Variants in KL observed in about 807,000 individuals in gnomAD.
KL encodes the protein alpha-klotho.
Under a neutral mutation model 84.2 loss-of-function variants are expected in KL, and 62 were observed. That is an observed-to-expected ratio of 0.74 (90% CI 0.60 to 0.91). The LOEUF (loss-of-function observed/expected upper bound fraction) is 0.91. Ranked by LOEUF, KL falls within the 40% of genes least tolerant of loss-of-function variation. The pLI is 0.00. For synonymous variants in KL, 528 were observed against 528.0 expected (o/e 1.00, Z 0.00); for missense variants, 1,261 against 1,305.7 (o/e 0.97, Z 0.53).
rs138856561 is a variant in KL, at chr13:33,051,951, ATTTG to A, written c.820-1804_820-1801del. Among the ~76,000 whole-genome samples, 813 of 152,020 alleles carry A rather than the reference ATTTG, an allele frequency of 5.3e-3. 7 individuals are homozygous for A. The highest frequency in any genetic ancestry group is 0.018 in the African/African-American group (760 of 41,468). Reference sequence around the variant, plus strand: ...GATTTTATGTTTAACTGTTGTGTTTATTTGTTTGTTTGTTTTTGTTTTGTGAGAC... The same window carrying A: ...GATTTTATGTTTAACTGTTGTGTTTATTTGTTTGTTTTTGTTTTGTGAGAC... On this transcript the variant is annotated intron_variant, in intron 1 of 4. Transcript: ENST00000380099.
chr13:33,064,084 A>G lies in KL; in HGVS notation c.2937A>G (p.Arg979=). 6.2e-7 allele frequency: 1 copy of G among 1,614,116 alleles called. No individual in the cohort carries two copies. Among genetic ancestry groups the G allele is most frequent in the Non-Finnish European group, 8.5e-7 (1 of 1,179,980 alleles). ...VCTECSFFHT[R]KSLLAFIAFL... is the part of the protein sequence containing the mutation. ...CTGAGTGCAGTTTTTTTCACACCCG[A>G]AAGTCTTTACTGGCTTTCATAGCTT... Residue 979 remains arginine, a synonymous_variant, in exon 5 of 5, where the codon CGA becomes CGG. Transcript: ENST00000380099.
chr13:33,040,233 G>C (rs1207980640), intron 1 of KL, among the ~76,000 whole-genome samples: 1 of 152,204 alleles, frequency 6.6e-6, no homozygotes, highest in Non-Finnish European at 1.5e-5. Flanking sequence ...AAACCATAGT[G>C]CTGATAGAAA....
chr13:33,017,100 G>C lies in KL; in HGVS notation c.660G>C (p.Ala220=). The C allele has an allele frequency of 1.2e-6, 2 of 1,605,496 alleles. No individual in the cohort carries two copies. The highest frequency in any genetic ancestry group is 1.7e-6 in the Non-Finnish European group (2 of 1,179,768). The part of the protein sequence containing the change: ...RALADHFRDY[A]ELCFRHFGGQ... ...TGGCCGACCACTTCAGGGATTACGC[G>C]GAGCTCTGCTTCCGCCACTTCGGCG... Residue 220 remains alanine (A), a synonymous_variant, in exon 1 of 5, where the codon GCG becomes GCC. Coordinates refer to ENST00000380099, the MANE Select transcript of KL (RefSeq NM_004795.4).
intron 3 of KL, among the ~76,000 whole-genome samples, chr13:33,059,930 T>A (rs1872109698): frequency 1.3e-5 from 2 of 152,242 alleles, no homozygotes; most frequent in African/African-American, 4.8e-5. Flanking sequence ...TAATTATAAA[T>A]ATCTTTTCAT....
In KL at chr13:33,055,130, A is replaced by T; in HGVS notation, c.1414A>T (p.Ile472Phe). ...TTTCGAGTGGCACAGAGGTTACAGC[A>T]TCAGGCGTGGACTCTTCTATGTTGA... is the stretch of plus-strand genomic sequence containing the variant. Reference protein sequence around the residue: ...DGFEWHRGYSIRRGLFYVDFL... With the variant: ...DGFEWHRGYSFRRGLFYVDFL... Residue 472 changes from isoleucine (I) to phenylalanine (F), a missense_variant, in exon 3 of 5, where the codon ATC becomes TTC. Ile to Phe is a conservative substitution (Grantham distance 21). Coordinates refer to ENST00000380099, the MANE Select transcript of KL (RefSeq NM_004795.4). The T allele has an allele frequency of 1.9e-6, 3 of 1,614,210 alleles. No individual in the cohort carries two copies. The highest frequency in any genetic ancestry group is 8.5e-7 in the Non-Finnish European group (1 of 1,180,040).
At chr13:33,049,462 G>C (rs1871662878) in intron 1 of KL, among the ~76,000 whole-genome samples, 1 of 152,190 alleles carries the variant, frequency 6.6e-6, no homozygotes, top group Non-Finnish European at 1.5e-5. Flanking sequence ...GTCTTGGATA[G>C]AGGACCATCA....
intron 3 of KL, among the ~76,000 whole-genome samples, chr13:33,059,841 A>T (rs898046881): frequency 1.1e-4 from 17 of 152,206 alleles, no homozygotes; most frequent in African/African-American, 3.9e-4. Context: ...AAACCCAACA[A>T]AAGGCAAGAG....
intron 1 of KL, among the ~76,000 whole-genome samples, chr13:33,025,608 G>A (rs916105819): frequency 6.6e-6 from 1 of 152,190 alleles, no homozygotes. Flanking sequence ...AGGAGCTGAA[G>A]AAGAAAGCCT....
chr13:33,056,030 G>A (rs1424633821), intron 3 of KL, among the ~76,000 whole-genome samples: 1 of 152,176 alleles, frequency 6.6e-6, no homozygotes, highest in East Asian at 1.9e-4. Flanking sequence ...GGGTCGCTTG[G>A]TTAAGGGGAG....
At chr13:33,045,474 T>C (rs1373454325) in intron 1 of KL, among the ~76,000 whole-genome samples, 1 of 152,142 alleles carries the variant, frequency 6.6e-6, no homozygotes, top group Admixed American at 6.6e-5. Flanking sequence ...ATTTTCATAA[T>C]TTTTTGTTTG....
At chr13:33,039,603 C>G (rs932355625) in intron 1 of KL, among the ~76,000 whole-genome samples, 18 of 151,908 alleles carry the variant, frequency 1.2e-4, no homozygotes, top group African/African-American at 4.3e-4. Context: ...GGGAATTGAG[C>G]CAAATTTGGA....
chr13:33,019,651 T>A (rs1479811803), intron 1 of KL, among the ~76,000 whole-genome samples: 2 of 151,604 alleles, frequency 1.3e-5, no homozygotes, highest in Non-Finnish European at 2.9e-5. Flanking sequence ...CTGCTCAGAA[T>A]GGAGGTCTTG....
chr13:33,044,634 G>GTTTTTTTT (rs1871453430), intron 1 of KL, among the ~76,000 whole-genome samples: 1 of 82,406 alleles, frequency 1.2e-5, no homozygotes, highest in Non-Finnish European at 2.7e-5. Flanking sequence ...AAATGCAATT[G>GTTTTTTTT]ATTTTCTTTT....
rs1193342978 is a variant in KL at position 33,060,774 on chromosome 13, C to A, written c.1695C>A (p.Thr565=). The A allele has an allele frequency of 1.2e-6, 2 of 1,614,168 alleles. No individual in the cohort carries two copies. Among genetic ancestry groups the A allele is most frequent in the Admixed American group, 3.3e-5 (2 of 60,022 alleles). ...KRLIKVDGVV[T]KKRKSYCVDF... is the part of the protein sequence containing the mutation. ...TTATTAAAGTGGATGGGGTTGTGACCAAGAAGAGGAAATCCTACTGTGTTG... is the reference window on the plus strand; with the variant it reads ...TTATTAAAGTGGATGGGGTTGTGACAAAGAAGAGGAAATCCTACTGTGTTG... Residue 565 remains threonine, a synonymous_variant, in exon 4 of 5, where the codon ACC becomes ACA. Coordinates refer to ENST00000380099, the MANE Select transcript of KL (RefSeq NM_004795.4).
At chr13:33,020,442 C>T (rs1006411077) in intron 1 of KL, among the ~76,000 whole-genome samples, 4 of 152,072 alleles carry the variant, frequency 2.6e-5, no homozygotes, top group South Asian at 2.1e-4. Context: ...TGCTGCATCC[C>T]GATGACTGGA....
chr13:33,054,323 A>G (rs765927783), intron 2 of KL, 46 bp downstream of exon 2: 81 of 1,553,834 alleles, frequency 5.2e-5, no homozygotes, highest in Non-Finnish European at 7.0e-5. Context: ...AATCTTCTGG[A>G]AAAAAATCTC....
At chr13:33,039,650 A>G (rs1049961572) in intron 1 of KL, among the ~76,000 whole-genome samples, 9 of 152,220 alleles carry the variant, frequency 5.9e-5, no homozygotes, top group African/African-American at 2.2e-4. Flanking sequence ...TGGGGAAGAT[A>G]GTACTAAGAG....
chr13:33,058,766 T>C (rs1174304675), intron 3 of KL, among the ~76,000 whole-genome samples: 2 of 152,152 alleles, frequency 1.3e-5, no homozygotes, highest in African/African-American at 4.8e-5. Flanking sequence ...AAAAAAGTTA[T>C]GAATTTAGTC....
chr13:33,036,562 C>T lies in KL; in HGVS notation c.820-17205C>T, dbSNP rs189589542. On this transcript the variant is annotated intron_variant, in intron 1 of 4. Transcript: ENST00000380099. ...TATAGGACAGTCACATGTCTCTATTCCAGCAAAACAATCTCAGGGAAGGTA... is the reference window on the plus strand; with the variant it reads ...TATAGGACAGTCACATGTCTCTATTTCAGCAAAACAATCTCAGGGAAGGTA... 3.3e-5 allele frequency among the ~76,000 whole-genome samples: 5 copies of T among 152,274 alleles called. No individual in the cohort carries two copies. The East Asian group carries it at 9.6e-4, about 29-fold the overall frequency.
Sources: allele counts gnomAD v4.1 joint callset (sites outside exome capture counted in the v4.1 genomes callset), GRCh38; gene constraint gnomAD v4.1.1; transcripts MANE v1.5; gene names NCBI Gene and HGNC (gene_info 2026-07-23, HGNC 2026-07-21).